The following PHF23 variants were observed in gnomAD, a reference collection of about 807,000 sequenced individuals.
PHF23 encodes the protein PHD finger protein 23.
A neutral mutation model predicts 36.0 loss-of-function variants in PHF23; 3 were observed. The observed-to-expected ratio is 0.08, with a 90% CI of 0.04 to 0.22. The LOEUF (loss-of-function observed/expected upper bound fraction) is 0.22, where lower values mean the gene tolerates loss of function less well. Among genes scored for constraint, PHF23 ranks in the 10% least tolerant of loss-of-function variants. The probability of loss-of-function intolerance (pLI) is 1.00; values close to 1 mark genes in which losing one functional copy is unlikely to be tolerated. For synonymous variants in PHF23, 242 were observed against 192.5 expected, an observed-to-expected ratio of 1.26 and a Z score of -2.13; for missense variants, 475 against 513.6, an observed-to-expected ratio of 0.92 and a Z score of 0.73.
intron 1 of PHF23, chr17:7,238,891 C>A: frequency 6.5e-7 from 1 of 1,533,708 alleles, no homozygotes; most frequent in South Asian, 1.2e-5. Flanking sequence ...CTCACTCAGC[C>A]TCTTCTACGT....
chr17:7,238,847 A>G (rs1227077156), intron 1 of PHF23: 3 of 1,532,866 alleles, frequency 2.0e-6, no homozygotes, highest in Non-Finnish European at 2.6e-6. Flanking sequence ...TACCACCGCC[A>G]CAAACTACCC....
At chr17:7,238,875 G>C (rs545380503) in intron 1 of PHF23, 3 of 1,532,656 alleles carry the variant, frequency 2.0e-6, no homozygotes, top group East Asian at 2.5e-5. Flanking sequence ...GCGAACTACC[G>C]GGCCCCTCAC....
chr17:7,239,168 G>A, intron 1 of PHF23, 78 bp downstream of exon 1: 3 of 1,106,852 alleles, frequency 2.7e-6, no homozygotes, highest in South Asian at 1.4e-5. Context: ...GGGCTCCGGG[G>A]CTCGACCTCC....
At position 7,237,397 on chromosome 17, in the gene PHF23, G is replaced by A; in HGVS notation, c.147C>T (p.Pro49=). 1.2e-6 allele frequency: 2 copies of A among 1,613,462 alleles called. No homozygotes were observed. Among genetic ancestry groups the A allele is most frequent in the African/African-American group, 1.3e-5 (1 of 74,992 alleles). ...CTCTTGCCCCTACCTCTTTGCTAGG[G>A]GGAATGTAACCAGCATATGCCAAAA... ...SFVLAYAGYI[P]PSKEESDWPA... Residue 49 remains proline, a synonymous_variant, in exon 3 of 5, where the codon CCC becomes CCT. Transcript: ENST00000320316.
chr17:7,235,556 G>A lies in PHF23; in HGVS notation c.*70C>T, dbSNP rs893548698. The A allele has an allele frequency of 3.3e-6, 5 of 1,501,972 alleles. No individual in the cohort carries two copies. The African/African-American group carries it at 6.9e-5, about 21-fold the overall frequency. The allele number at this position is 1,501,972 out of a possible 1,614,324, so 93.0% of individuals were successfully genotyped here. On this transcript the variant is annotated 3_prime_UTR_variant, in exon 5 of 5. Coordinates refer to ENST00000320316, the MANE Select transcript of PHF23 (RefSeq NM_024297.3). ...ACAGTATCCAAGCTCCAGGGGATAGGCTGAGGACCCTGAGGCTCAGTTCCC... is the reference window on the plus strand; with the variant it reads ...ACAGTATCCAAGCTCCAGGGGATAGACTGAGGACCCTGAGGCTCAGTTCCC...
At position 7,236,563 on chromosome 17, in the gene PHF23, G is replaced by T; in HGVS notation, c.364C>A (p.Pro122Thr). The T allele has an allele frequency of 6.2e-7, 1 of 1,614,188 alleles. No individual in the cohort carries two copies. The highest frequency in any genetic ancestry group is 8.5e-7 in the Non-Finnish European group (1 of 1,180,030). Residue 122 changes from proline to threonine, a missense_variant, in exon 4 of 5, where the codon CCC (proline) becomes ACC (threonine). Transcript: ENST00000320316. This position sits in a 1 kb window ranked among gnomAD's most constrained non-coding sequence, Gnocchi z 5.1. ...PRSTFSRLQA[P>T]DSATLLEKMK... ...TTCTCAAGCAAGGTAGCACTGTCGGGGGCCTGCAGACGAGAGAAAGTGGAC... is the reference window on the plus strand; with the variant it reads ...TTCTCAAGCAAGGTAGCACTGTCGGTGGCCTGCAGACGAGAGAAAGTGGAC...
At chr17:7,238,836 GTACCACCGCCACAAAC>G in intron 1 of PHF23, 1 of 1,533,228 alleles carries the variant, frequency 6.5e-7, no homozygotes, top group South Asian at 1.2e-5. Context: ...CGGAGCTCCG[GTACCACCGCCACAAAC>G]TACCCCACCT....
At chr17:7,238,857 C>T in intron 1 of PHF23, 2 of 1,534,384 alleles carry the variant, frequency 1.3e-6, no homozygotes, top group Non-Finnish European at 1.7e-6. Context: ...ACAAACTACC[C>T]CACCTCGGCG....
At position 7,237,453 on chromosome 17, in the gene PHF23, T is replaced by C. The variant is rs2071692180; in HGVS notation, c.91A>G (p.Ile31Val). The C allele has an allele frequency of 1.2e-6, 2 of 1,614,040 alleles. No homozygotes were observed. The highest frequency in any genetic ancestry group is 1.7e-6 in the Non-Finnish European group (2 of 1,179,970). Residue 31 changes from isoleucine to valine, a missense_variant, in exon 3 of 5, where the codon ATT (isoleucine) becomes GTT (valine). Physicochemically the swap from Ile to Val is conservative, Grantham distance 29. Coordinates refer to ENST00000320316, the MANE Select transcript of PHF23 (RefSeq NM_024297.3). The stretch of plus-strand genomic sequence containing the variant: ...CTGCAGAATTTGTTGAAATCCTCAA[T>C]TGTTCTCCGCCGTTTCTCTGGTGGC... ...TQPPEKRRRTIEDFNKFCSFV... is the reference protein window; with the variant it reads ...TQPPEKRRRTVEDFNKFCSFV...
Position 7,236,227 on chromosome 17 carries a change from G to A in PHF23, c.700C>T (p.Pro234Ser), listed in dbSNP as rs756720906. The A allele has an allele frequency of 1.6e-5, 26 of 1,613,374 alleles. No individual in the cohort carries two copies. The East Asian group carries it at 5.1e-4, about 32-fold the overall frequency. The change falls in exon 4 of 5, where the codon CCT becomes TCT. Residue 234 changes from proline to serine, a missense_variant. Pro to Ser is a moderately conservative substitution (Grantham distance 74). Around this residue, in one of 5 missense-constraint regions of PHF23, gnomAD observed 350 missense variants for 319.8 expected, o/e 1.09. Coordinates refer to ENST00000320316, the MANE Select transcript of PHF23 (RefSeq NM_024297.3). This position sits in a 1 kb window ranked among gnomAD's most constrained non-coding sequence, Gnocchi z 5.1. ...GGGGGTGCCTGGGGAGGCCCAGGAG[G>A]TGGGAGTCTATCCCCCCGTTCTGCC... The part of the protein sequence containing the change: ...KKAERGDRLP[P>S]PGPPQAPPSD...
chr17:7,238,088 C>T (rs898426944), intron 1 of PHF23: 6 of 190,642 alleles, frequency 3.1e-5, no homozygotes, highest in Admixed American at 1.3e-4. Context: ...CCTCCGAGAC[C>T]GCACACGCCG....
In PHF23 at chr17:7,236,124, C is replaced by A. The variant is rs753235156; in HGVS notation, c.803G>T (p.Gly268Val). The change falls in exon 4 of 5, where the codon GGT (glycine) becomes GTT (valine). Residue 268 changes from glycine (G) to valine (V), a missense_variant. Physicochemically the swap from Gly to Val is moderately radical, Grantham distance 109. This residue lies in a region of PHF23 where 350 missense variants were observed against 319.8 expected (regional missense o/e 1.09). Coordinates refer to ENST00000320316, the MANE Select transcript of PHF23 (RefSeq NM_024297.3). This position sits in a 1 kb window ranked among gnomAD's most constrained non-coding sequence, Gnocchi z 5.1. ...TGGCAGCACAGGGACTGGGGCTTCA[C>A]CCCCTACCACTGTTGCCATCTCTTC... ...EEEEMATVVG[G>V]EAPVPVLPTP... The A allele has an allele frequency of 2.5e-6, 4 of 1,610,810 alleles. No homozygotes were observed. The highest frequency in any genetic ancestry group is 3.4e-6 in the Non-Finnish European group (4 of 1,178,426).
At position 7,235,526 on chromosome 17, in the gene PHF23, T is replaced by A; in HGVS notation, c.*100A>T. ...TCCCTTGAGAATTCCTGCCTTGAAG[T>A]GCAGACAGTATCCAAGCTCCAGGGG... On this transcript the variant is annotated 3_prime_UTR_variant, in exon 5 of 5. Transcript: ENST00000320316. 8.2e-7 allele frequency: 1 copy of A among 1,215,714 alleles called. No individual in the cohort carries two copies. Among genetic ancestry groups the A allele is most frequent in the Non-Finnish European group, 1.2e-6 (1 of 844,948 alleles). The allele number at this position is 1,215,714 out of a possible 1,614,324, so 75.3% of individuals were successfully genotyped here.
chr17:7,239,029 A>AC, intron 1 of PHF23: 1 of 1,377,072 alleles, frequency 7.3e-7, no homozygotes, highest in Non-Finnish European at 9.5e-7. Flanking sequence ...TATCCCCCGC[A>AC]CCCCCACACC....
chr17:7,236,594 G>A lies in PHF23; in HGVS notation c.333C>T (p.Pro111=), dbSNP rs779946278. 6.2e-7 allele frequency: 1 copy of A among 1,614,168 alleles called. No homozygotes were observed. Among genetic ancestry groups the A allele is most frequent in the Non-Finnish European group, 8.5e-7 (1 of 1,180,030 alleles). The part of the protein sequence containing the change: ...AAQAGPTQPG[P]PRSTFSRLQA... ...GCAGACGAGAGAAAGTGGACCTTGG[G>A]GGTCCTGGCTGGGTGGGACCTGCTT... The change falls in exon 4 of 5, where the codon CCC becomes CCT. Residue 111 remains proline (P), a synonymous_variant. Transcript: ENST00000320316. This position sits in a 1 kb window ranked among gnomAD's most constrained non-coding sequence, Gnocchi z 5.1.
At chr17:7,238,928 A>C in intron 1 of PHF23, 1 of 1,520,414 alleles carries the variant, frequency 6.6e-7, no homozygotes, top group South Asian at 1.2e-5. Context: ...CTCTCCGGCC[A>C]CTGGATTCCC....
intron 1 of PHF23, 168 bp from the exon 2 acceptor site, chr17:7,237,828 C>G (rs1006317345): frequency 5.3e-6 from 4 of 752,742 alleles, no homozygotes; most frequent in South Asian, 1.8e-5. Flanking sequence ...TTCCGCCCCG[C>G]GAGGGGCGGA....
chr17:7,239,526 T>TCTCCTCCCTCCCTCCTCTTCTCTCC (rs2071750895), upstream of PHF23: 1 of 299,772 alleles, frequency 3.3e-6, no homozygotes, highest in South Asian at 4.0e-5. Flanking sequence ...CCACCTCCTC[T>TCTCCTCCCTCCCTCCTCTTCTCTCC]CTCCTCCCTC....
At chr17:7,237,249 A>G (rs1597564367) in intron 3 of PHF23, 136 bp downstream of exon 3, 2 of 809,458 alleles carry the variant, frequency 2.5e-6, no homozygotes, top group Non-Finnish European at 4.0e-6. Context: ...CACAGCCCTA[A>G]GAGTCTCCAA....
Sources: allele counts gnomAD v4.1 joint callset, GRCh38; gene constraint gnomAD v4.1.1; regional missense constraint gnomAD v4.1.1; non-coding constraint Gnocchi (gnomAD v3.1); transcripts MANE v1.5; gene names NCBI Gene and HGNC (gene_info 2026-07-23, HGNC 2026-07-21).